Variants in ZNF410 observed in about 807,000 individuals in gnomAD.
ZNF410 encodes another partner for ARF 1.
A neutral mutation model predicts 54.8 loss-of-function variants in ZNF410; 18 were observed. That is an observed-to-expected ratio of 0.33 (90% CI 0.23 to 0.49). ZNF410 has a LOEUF of 0.49. Among genes scored for constraint, ZNF410 ranks in the 20% least tolerant of loss-of-function variants. ZNF410 has a pLI of 0.99. For synonymous variants in ZNF410, 191 were observed against 207.3 expected, an observed-to-expected ratio of 0.92 and a Z score of 0.68; for missense variants, 405 against 569.6, an observed-to-expected ratio of 0.71 and a Z score of 2.94.
chr14:73,920,894 C>A, intron 8 of ZNF410, 86 bp from the exon 9 acceptor site: 1 of 1,551,286 alleles, frequency 6.4e-7, no homozygotes, highest in African/African-American at 1.4e-5. Context: ...TTCAGTTTAA[C>A]ATTCTCTGGG....
At chr14:73,909,541 G>A in intron 8 of ZNF410, 111 bp downstream of exon 8, 2 of 791,420 alleles carry the variant, frequency 2.5e-6, no homozygotes, top group East Asian at 2.6e-5. Flanking sequence ...TCACTATAAA[G>A]ATAGAAAGCT....
At chr14:73,906,545 A>G (rs898680622) in intron 7 of ZNF410, 7 of 152,020 alleles carry the variant, frequency 4.6e-5, no homozygotes, top group African/African-American at 1.7e-4. Flanking sequence ...CAGTGATGCG[A>G]TCTCAGCTCA....
chr14:73,892,536 ATATT>A (rs1305215314), intron 2 of ZNF410, among the ~76,000 whole-genome samples: 1 of 151,930 alleles, frequency 6.6e-6, no homozygotes, highest in Non-Finnish European at 1.5e-5. Flanking sequence ...AAGTATATAA[ATATT>A]TACTACTACA....
intron 11 of ZNF410, among the ~76,000 whole-genome samples, chr14:73,926,029 G>A (rs1405315427): frequency 2.0e-5 from 3 of 152,124 alleles, no homozygotes; most frequent in African/African-American, 7.2e-5. Context: ...GTGAGACCCT[G>A]TCTCAAAAGA....
intron 8 of ZNF410, among the ~76,000 whole-genome samples, chr14:73,918,152 A>G (rs1389449144): frequency 6.6e-6 from 1 of 152,118 alleles, no homozygotes; most frequent in Non-Finnish European, 1.5e-5. Flanking sequence ...TCTGTTGCCC[A>G]GGCTGGAGTG....
chr14:73,922,156 G>A lies in ZNF410; in HGVS notation c.1220G>A (p.Gly407Glu), dbSNP rs139423345. The A allele has an allele frequency of 4.3e-6, 7 of 1,613,956 alleles. No individual in the cohort carries two copies. The highest frequency in any genetic ancestry group is 1.7e-4 in the Middle Eastern group (1 of 6,056). The change falls in exon 10 of 12, where the codon GGA (glycine) becomes GAA (glutamate). Residue 407 changes from glycine to glutamate, a missense_variant. Gly to Glu is a moderately conservative substitution (Grantham distance 98). Coordinates refer to ENST00000555044, the MANE Select transcript of ZNF410 (RefSeq NM_021188.3). The stretch of plus-strand genomic sequence containing the variant: ...ATGAATTCCCAGCCCAGCCTTGGTG[G>A]AGAGTCCTTGAACCTACCAAATACC... The part of the protein sequence containing the change: ...VSMNSQPSLG[G>E]ESLNLPNTNS...
Position 73,932,017 on chromosome 14 carries a change from T to C in ZNF410, c.*476T>C. On this transcript the variant is annotated 3_prime_UTR_variant, in exon 12 of 12. Coordinates refer to ENST00000555044, the MANE Select transcript of ZNF410 (RefSeq NM_021188.3). ...AAGAAGGGAGTGATGTCAATTCTCT[T>C]GTTACATTCTCCCTTTAGCAACCTG... 2.2e-6 allele frequency: 1 copy of C among 456,526 alleles called. No homozygotes were observed. Among genetic ancestry groups the C allele is most frequent in the Non-Finnish European group, 4.4e-6 (1 of 226,806 alleles). 28.3% of individuals were successfully genotyped at this position (456,526 alleles called of 1,614,324 possible).
At chr14:73,906,059 C>T (rs1321201057) in intron 7 of ZNF410, among the ~76,000 whole-genome samples, 3 of 145,928 alleles carry the variant, frequency 2.1e-5, no homozygotes, top group Non-Finnish European at 4.5e-5. Context: ...AGTGCAGTGG[C>T]GAGATCTCGG....
At chr14:73,925,715 G>A (rs918604921) in intron 11 of ZNF410, among the ~76,000 whole-genome samples, 2 of 152,094 alleles carry the variant, frequency 1.3e-5, no homozygotes, top group African/African-American at 2.4e-5. Context: ...GGTGTGAGCT[G>A]CCGCACTTGG....
chr14:73,905,592 T>G lies in ZNF410; in HGVS notation c.913+509T>G, dbSNP rs557471399. 5 of 152,512 alleles carry G rather than the reference T, an allele frequency of 3.3e-5. No homozygotes were observed. The South Asian group carries it at 1.0e-3, about 32-fold the overall frequency. 9.4% of individuals were successfully genotyped at this position (152,512 alleles called of 1,614,324 possible). A position where few individuals can be genotyped will look rare whatever the true frequency, so the allele number is the denominator to read the frequency against. On this transcript the variant is annotated intron_variant, in intron 7 of 11. Coordinates refer to ENST00000555044, the MANE Select transcript of ZNF410 (RefSeq NM_021188.3). The stretch of plus-strand genomic sequence containing the variant: ...AAGTGAATTATTCTGGGTCACACAG[T>G]ATGTTAATATCACAGGAGCAAAATA...
rs754582712 is a variant in ZNF410 at position 73,905,068 on chromosome 14, C to T, written c.898C>T (p.Arg300Trp). ...TACAGCTGGAAACCTGAAGAACCACCGGCGCATCCACACAGGTGTGTGCAG... is the reference window on the plus strand; with the variant it reads ...TACAGCTGGAAACCTGAAGAACCACTGGCGCATCCACACAGGTGTGTGCAG... ...FTTAGNLKNHRRIHTGEKPFL... is the reference protein window; with the variant it reads ...FTTAGNLKNHWRIHTGEKPFL... Residue 300 changes from arginine to tryptophan, a missense_variant, in exon 7 of 12, where the codon CGG (arginine) becomes TGG (tryptophan). Transcript: ENST00000555044. 8.7e-6 allele frequency: 14 copies of T among 1,612,958 alleles called. No individual in the cohort carries two copies. The highest frequency in any genetic ancestry group is 2.7e-5 in the African/African-American group (2 of 74,806).
In ZNF410 at chr14:73,904,115, G is replaced by A; in HGVS notation, c.731+5G>A. On this transcript the variant is annotated splice_donor_5th_base_variant and intron_variant, in intron 6 of 11. Coordinates refer to ENST00000555044, the MANE Select transcript of ZNF410 (RefSeq NM_021188.3). ...ATACCACCTCAAGACTCATCGGTGAGCAAATCCGAGATCTCATATTTGGAT... is the reference window on the plus strand; with the variant it reads ...ATACCACCTCAAGACTCATCGGTGAACAAATCCGAGATCTCATATTTGGAT... 1 of 1,611,154 alleles carries A rather than the reference G, an allele frequency of 6.2e-7. No individual in the cohort carries two copies. The highest frequency in any genetic ancestry group is 8.5e-7 in the Non-Finnish European group (1 of 1,178,572).
rs775559592 is a variant in ZNF410, at chr14:73,923,444, GAC to G, written c.1324_1325del (p.His442SerfsTer13). On this transcript the variant is annotated frameshift_variant, in exon 11 of 12. Coordinates refer to ENST00000555044, the MANE Select transcript of ZNF410 (RefSeq NM_021188.3). LOFTEE classifies it high-confidence loss of function. ...GTTCCCTGTCTTCAGTGCCTGATGTGACACATCACCTGGTGACCATGCAGTCA... is the reference window on the plus strand; with the variant it reads ...GTTCCCTGTCTTCAGTGCCTGATGTGACATCACCTGGTGACCATGCAGTCA... ...PRSLSSVPDV[T>X]HHLVTMQSGR... 6.2e-7 allele frequency: 1 copy of G among 1,614,004 alleles called. No homozygotes were observed. Among genetic ancestry groups the G allele is most frequent in the South Asian group, 1.1e-5 (1 of 91,036 alleles).
chr14:73,894,148 A>G (rs1256889471), intron 3 of ZNF410, among the ~76,000 whole-genome samples: 1 of 152,132 alleles, frequency 6.6e-6, no homozygotes, highest in African/African-American at 2.4e-5. Flanking sequence ...AGAGTGGGGA[A>G]AAAAGGTCAG....
chr14:73,919,286 T>C (rs2055720090), intron 8 of ZNF410, among the ~76,000 whole-genome samples: 1 of 152,038 alleles, frequency 6.6e-6, no homozygotes, highest in South Asian at 2.1e-4. Context: ...TGTGAACCAC[T>C]GCACCTGGCT....
intron 3 of ZNF410, among the ~76,000 whole-genome samples, chr14:73,894,668 C>T (rs1336346108): frequency 6.6e-6 from 1 of 152,116 alleles, no homozygotes; most frequent in Non-Finnish European, 1.5e-5. Flanking sequence ...CTCCAGTGAT[C>T]AGTCCGCCTT....
chr14:73,923,668 T>C, intron 11 of ZNF410, 146 bp downstream of exon 11: 3 of 1,113,354 alleles, frequency 2.7e-6, no homozygotes, highest in Non-Finnish European at 3.8e-6. Context: ...GAGTTCAGCT[T>C]GAAAGGAGCC....
At chr14:73,903,719 C>T in intron 5 of ZNF410, 1 of 493,866 alleles carries the variant, frequency 2.0e-6, no homozygotes, top group South Asian at 3.0e-5. Flanking sequence ...ATGCTAGTCT[C>T]GGAACACCTG....
At chr14:73,904,216 C>T (rs1449997526) in intron 6 of ZNF410, 106 bp downstream of exon 6, 1 of 1,205,358 alleles carries the variant, frequency 8.3e-7, no homozygotes, top group Non-Finnish European at 1.1e-6. Context: ...AGTAGGGACT[C>T]CAGTTAACTT....
Sources: allele counts gnomAD v4.1 joint callset (sites outside exome capture counted in the v4.1 genomes callset), GRCh38; gene constraint gnomAD v4.1.1; transcripts MANE v1.5; gene names NCBI Gene and HGNC (gene_info 2026-07-23, HGNC 2026-07-21).